RTN1: variants seen among roughly 807,000 people sequenced by gnomAD.
RTN1 encodes reticulon 1.
In RTN1, 25 loss-of-function variants were observed where a neutral mutation model predicts 65.5. The observed-to-expected ratio is 0.38, with a 90% CI of 0.28 to 0.53. The LOEUF is 0.53. Ranked by LOEUF, RTN1 falls within the 20% of genes least tolerant of loss-of-function variation. The pLI, the probability that RTN1 is intolerant of heterozygous loss-of-function variation, is 0.79. For synonymous variants in RTN1, 471 were observed against 447.6 expected, an observed-to-expected ratio of 1.05 and a Z score of -0.66; for missense variants, 983 against 1,025.4, an observed-to-expected ratio of 0.96 and a Z score of 0.57.
chr14:59,606,256 G>A (rs1285881334), intron 4 of RTN1, among the ~76,000 whole-genome samples: 1 of 151,396 alleles, frequency 6.6e-6, no homozygotes, highest in African/African-American at 2.4e-5. Context: ...TTTCTAGAGT[G>A]CTTTAAGTGC....
intron 1 of RTN1, among the ~76,000 whole-genome samples, chr14:59,748,723 A>T (rs1885282731): frequency 6.6e-6 from 1 of 152,128 alleles, no homozygotes; most frequent in Non-Finnish European, 1.5e-5. Flanking sequence ...TCACCAATAT[A>T]GGCACCTAAA....
intron 1 of RTN1, among the ~76,000 whole-genome samples, chr14:59,758,269 T>G (rs1885679552): frequency 6.6e-6 from 1 of 152,144 alleles, no homozygotes; most frequent in Non-Finnish European, 1.5e-5. Context: ...CACTCTGCAC[T>G]ACTCTGCACA....
chr14:59,765,024 C>T (rs187513450), intron 1 of RTN1, among the ~76,000 whole-genome samples: 17 of 151,886 alleles, frequency 1.1e-4, no homozygotes, highest in Admixed American at 2.0e-4. Flanking sequence ...AGTCCAGAGA[C>T]GTAAAATATT....
intron 3 of RTN1, among the ~76,000 whole-genome samples, chr14:59,722,635 T>C (rs1884669612): frequency 6.6e-6 from 1 of 152,066 alleles, no homozygotes; most frequent in Non-Finnish European, 1.5e-5. Flanking sequence ...TACAAAACAG[T>C]ATGTTCAATA....
At chr14:59,865,135 A>C (rs996887197) in intron 1 of RTN1, among the ~76,000 whole-genome samples, 1 of 152,186 alleles carries the variant, frequency 6.6e-6, no homozygotes, top group African/African-American at 2.4e-5. Context: ...ATTTCTGAAC[A>C]ATATATTCAT....
Position 59,607,291 on chromosome 14 carries a change from G to T in RTN1, c.1967C>A (p.Pro656His). 1 of 1,613,818 alleles carries T rather than the reference G, an allele frequency of 6.2e-7. No individual in the cohort carries two copies. The highest frequency in any genetic ancestry group is 1.1e-5 in the South Asian group (1 of 90,962). ...CCTCAGCTGAGGCACTCACTTGAAA[G>T]GGTGGCCTTCGTCGGTTTTCTGCAC... The part of the protein sequence containing the change: ...QAVQKTDEGH[P>H]FKAYLELEIT... Residue 656 changes from proline to histidine, a missense_variant, in exon 4 of 9, where the codon CCT becomes CAT. By Grantham distance (77) the Pro-to-His change is moderately conservative. Coordinates refer to ENST00000267484, the MANE Select transcript of RTN1 (RefSeq NM_021136.3).
chr14:59,844,570 G>T (rs555529902), intron 1 of RTN1, among the ~76,000 whole-genome samples: 6 of 152,182 alleles, frequency 3.9e-5, no homozygotes, highest in Non-Finnish European at 8.8e-5. Context: ...ATGGTGGTTT[G>T]GTTGCCAGGC....
chr14:59,834,097 C>A lies in RTN1; in HGVS notation c.241+36293G>T, dbSNP rs554291585. 6.6e-5 allele frequency among the ~76,000 whole-genome samples: 10 copies of A among 152,116 alleles called. No individual in the cohort carries two copies. In the South Asian group the frequency reaches 2.1e-3, roughly 32 times the overall value. ...CAACTGATTTTCAATAAAGGCAATT[C>A]ATTCGAGAAAAGATAGTCTTCCAAA... On this transcript the variant is annotated intron_variant, in intron 1 of 8. Transcript: ENST00000267484.
chr14:59,732,906 G>T (rs926905482), intron 2 of RTN1, among the ~76,000 whole-genome samples: 15 of 152,308 alleles, frequency 9.8e-5, no homozygotes, highest in African/African-American at 3.4e-4. Context: ...ACAGGGTAGA[G>T]CCTGCCTGAG....
intron 1 of RTN1, among the ~76,000 whole-genome samples, chr14:59,858,601 C>T (rs1887651980): frequency 6.6e-6 from 1 of 151,526 alleles, no homozygotes; most frequent in East Asian, 1.9e-4. Context: ...ACAGATTTTA[C>T]AAAAAATCTC....
chr14:59,658,432 C>T (rs553317281), intron 3 of RTN1, among the ~76,000 whole-genome samples: 1 of 152,232 alleles, frequency 6.6e-6, no homozygotes, highest in African/African-American at 2.4e-5. Context: ...CCCTGTGTCT[C>T]CTGAATGGGA....
chr14:59,789,031 T>C (rs1338118267), intron 1 of RTN1, among the ~76,000 whole-genome samples: 2 of 152,100 alleles, frequency 1.3e-5, no homozygotes, highest in Non-Finnish European at 2.9e-5. Flanking sequence ...GTATATTATG[T>C]AATATTGTTA....
intron 3 of RTN1, among the ~76,000 whole-genome samples, chr14:59,719,469 C>T (rs1378936499): frequency 6.6e-6 from 1 of 152,230 alleles, no homozygotes; most frequent in East Asian, 1.9e-4. Context: ...TTAATGTCTA[C>T]TCCCTCTTCC....
At chr14:59,680,141 T>C (rs1286829853) in intron 3 of RTN1, among the ~76,000 whole-genome samples, 1 of 152,202 alleles carries the variant, frequency 6.6e-6, no homozygotes, top group Non-Finnish European at 1.5e-5. Flanking sequence ...ACAATCATGT[T>C]AGTAACATAG....
In RTN1 at chr14:59,870,324, A is replaced by G; in HGVS notation, c.241+66T>C. 1 of 1,369,632 alleles carries G rather than the reference A, an allele frequency of 7.3e-7. No homozygotes were observed. Among genetic ancestry groups the G allele is most frequent in the Non-Finnish European group, 9.4e-7 (1 of 1,063,980 alleles). 84.8% of individuals were successfully genotyped at this position (1,369,632 alleles called of 1,614,324 possible). ...AGGCAGGTGCCCAGGAGAGCCGCGCAGAAGGGGACTGACTGGGGGGCCCTG... is the reference window on the plus strand; with the variant it reads ...AGGCAGGTGCCCAGGAGAGCCGCGCGGAAGGGGACTGACTGGGGGGCCCTG... On this transcript the variant is annotated intron_variant, in intron 1 of 8. Coordinates refer to ENST00000267484, the MANE Select transcript of RTN1 (RefSeq NM_021136.3). The surrounding 1 kb of genome is among the most constrained non-coding windows in gnomAD (Gnocchi z 5.1).
chr14:59,603,656 G>T, intron 6 of RTN1, 196 bp downstream of exon 6: 1 of 355,966 alleles, frequency 2.8e-6, no homozygotes, highest in Non-Finnish European at 5.0e-6. Context: ...TTTAGACTTA[G>T]GAATTCATTA....
chr14:59,749,629 A>C lies in RTN1; in HGVS notation c.242-3148T>G, dbSNP rs1287150624. On this transcript the variant is annotated intron_variant, in intron 1 of 8. Transcript: ENST00000267484. ...TATATATATTTATATAGATATCTAT[A>C]TATAGATATCTATATATATTTATAT... Among the ~76,000 whole-genome samples the C allele has an allele frequency of 8.1e-5, 4 of 49,156 alleles. No individual in the cohort carries two copies. In the South Asian group the frequency reaches 1.9e-3, roughly 23 times the overall value. The allele number at this position is 49,156 out of a possible 152,430, so 32.2% of individuals were successfully genotyped here.
intron 1 of RTN1, among the ~76,000 whole-genome samples, chr14:59,832,440 T>A (rs771290657): frequency 2.6e-5 from 4 of 152,144 alleles, no homozygotes; most frequent in Non-Finnish European, 4.4e-5. Flanking sequence ...CAGGGAATAC[T>A]CCTCAGAAGG....
intron 3 of RTN1, among the ~76,000 whole-genome samples, chr14:59,678,479 T>A (rs1473044189): frequency 6.6e-6 from 1 of 152,178 alleles, no homozygotes; most frequent in Non-Finnish European, 1.5e-5. Context: ...TCTTACTGAC[T>A]CAGGGGCCAG....
Sources: gnomAD v4.1 joint callset for allele counts (sites outside exome capture counted in the v4.1 genomes callset) on GRCh38, gnomAD v4.1.1 for gene constraint, Gnocchi (gnomAD v3.1) non-coding constraint, MANE v1.5 for transcripts, NCBI Gene and HGNC (gene_info 2026-07-23, HGNC 2026-07-21) for gene names.